Variants in ISM1 observed in about 807,000 individuals in gnomAD.
ISM1 encodes isthmin 1, also known as isthmin-1.
In ISM1, 25 loss-of-function variants were observed where a neutral mutation model predicts 46.3. The ratio of observed to expected loss-of-function variants is 0.54; its 90% confidence interval spans 0.39 to 0.75. ISM1 has a LOEUF of 0.75. Ranked by LOEUF, ISM1 falls within the 30% of genes least tolerant of loss-of-function variation. The pLI is 0.00. For synonymous variants in ISM1, 255 were observed against 256.7 expected, an observed-to-expected ratio of 0.99 and a Z score of 0.06; for missense variants, 536 against 625.4, an observed-to-expected ratio of 0.86 and a Z score of 1.52.
chr20:13,273,028 CAT>C, intron 2 of ISM1, among the ~76,000 whole-genome samples: 4 of 152,248 alleles, frequency 2.6e-5, no homozygotes, highest in African/African-American at 9.6e-5. Flanking sequence ...AACGCAAAGT[CAT>C]AGGAAAATGC....
intron 1 of ISM1, among the ~76,000 whole-genome samples, chr20:13,227,804 G>A (rs948747945): frequency 3.4e-4 from 51 of 151,812 alleles, no homozygotes; most frequent in African/African-American, 1.0e-3. Flanking sequence ...CACCGCGCCC[G>A]GCCCCAACTT....
At chr20:13,235,331 A>C (rs1216477468) in intron 1 of ISM1, among the ~76,000 whole-genome samples, 4 of 152,262 alleles carry the variant, frequency 2.6e-5, no homozygotes, top group Non-Finnish European at 5.9e-5. Context: ...CACAAGATCC[A>C]ACAGACTAGC....
intron 1 of ISM1, among the ~76,000 whole-genome samples, chr20:13,224,691 C>T (rs6033643): frequency 0.17 from 25,572 of 151,998 alleles, 2,350 homozygotes; most frequent in Middle Eastern, 0.22. Flanking sequence ...TTTGTATTCA[C>T]TTAAAAAGGG....
intron 1 of ISM1, chr20:13,239,734 T>C (rs2039696109): frequency 6.6e-6 from 1 of 152,242 alleles, no homozygotes; most frequent in African/African-American, 2.4e-5. Context: ...AGAATGTTGT[T>C]GTAGGCAAGA....
intron 5 of ISM1, among the ~76,000 whole-genome samples, chr20:13,298,029 T>C (rs974248850): frequency 1.3e-4 from 20 of 152,218 alleles, no homozygotes; most frequent in African/African-American, 4.1e-4. Context: ...CTGAGTCCTA[T>C]AAATCTTCCT....
At chr20:13,253,671 T>C (rs890589726) in intron 1 of ISM1, among the ~76,000 whole-genome samples, 1 of 152,098 alleles carries the variant, frequency 6.6e-6, no homozygotes, top group African/African-American at 2.4e-5. Context: ...AATCAGCATT[T>C]TAAACACATT....
the ISM1 span, among the ~76,000 whole-genome samples, chr20:13,323,061 C>T: frequency 7.2e-5 from 11 of 152,012 alleles, no homozygotes. Flanking sequence ...TGGGGGAAGA[C>T]ACCACCCAGG....
At chr20:13,325,205 G>A in the ISM1 span, among the ~76,000 whole-genome samples, 3 of 152,186 alleles carry the variant, frequency 2.0e-5, no homozygotes, top group Non-Finnish European at 4.4e-5. Flanking sequence ...CCCTTCTCAC[G>A]AGAAACGCAT....
At chr20:13,222,012 C>T (rs2039455665) in intron 1 of ISM1, 98 bp downstream of exon 1, 1 of 1,106,426 alleles carries the variant, frequency 9.0e-7, no homozygotes, top group Middle Eastern at 3.4e-4. Flanking sequence ...GAGGCAGGTC[C>T]CCTGCCCCAC....
the ISM1 span, among the ~76,000 whole-genome samples, chr20:13,306,633 G>A: frequency 6.6e-6 from 1 of 151,060 alleles, no homozygotes; most frequent in African/African-American, 2.4e-5. Flanking sequence ...TCTCTAAGGG[G>A]CCTCTAAAGT....
the ISM1 span, among the ~76,000 whole-genome samples, chr20:13,307,958 T>C: frequency 1.3e-5 from 2 of 152,204 alleles, no homozygotes; most frequent in African/African-American, 4.8e-5. Flanking sequence ...TAGAAGGTCA[T>C]AGGGCATGCA....
chr20:13,240,305 G>A (rs2039704738), intron 1 of ISM1, among the ~76,000 whole-genome samples: 1 of 152,192 alleles, frequency 6.6e-6, no homozygotes, highest in Non-Finnish European at 1.5e-5. Context: ...TGCTTAGCAG[G>A]ACATAAACAG....
At chr20:13,317,658 C>T in the ISM1 span, among the ~76,000 whole-genome samples, 7 of 152,028 alleles carry the variant, frequency 4.6e-5, no homozygotes, top group African/African-American at 1.7e-4. Context: ...GTCAGTTGAC[C>T]TTTGACAAGG....
intron 1 of ISM1, among the ~76,000 whole-genome samples, chr20:13,251,051 A>G (rs1036864739): frequency 1.3e-5 from 2 of 152,230 alleles, no homozygotes; most frequent in African/African-American, 4.8e-5. Context: ...TCCATAAGTC[A>G]GGAATTTATA....
At chr20:13,319,669 T>A in the ISM1 span, among the ~76,000 whole-genome samples, 1 of 152,222 alleles carries the variant, frequency 6.6e-6, no homozygotes, top group East Asian at 1.9e-4. Flanking sequence ...CTATAATGCC[T>A]AAAGAAACAT....
At chr20:13,311,216 T>TGACA in the ISM1 span, among the ~76,000 whole-genome samples, 4 of 133,298 alleles carry the variant, frequency 3.0e-5, no homozygotes, top group Non-Finnish European at 6.5e-5. Flanking sequence ...TATAGATAGA[T>TGACA]GATAGATAGA....
chr20:13,227,118 C>T (rs1381508642), intron 1 of ISM1, among the ~76,000 whole-genome samples: 2 of 152,162 alleles, frequency 1.3e-5, no homozygotes, highest in Non-Finnish European at 2.9e-5. Context: ...GCAACTTCTG[C>T]TCTTTCTTCC....
intron 3 of ISM1, 109 bp from the exon 4 acceptor site, chr20:13,288,431 C>T: frequency 8.4e-7 from 1 of 1,190,742 alleles, no homozygotes. Context: ...TCCAGCAATC[C>T]CCTCCCACAG....
chr20:13,253,213 G>T (rs1223087294), intron 1 of ISM1, among the ~76,000 whole-genome samples: 8 of 152,154 alleles, frequency 5.3e-5, no homozygotes, highest in Non-Finnish European at 1.2e-4. Flanking sequence ...CAGGGTTTTT[G>T]ATCTTCTCAC....
Sources: allele counts gnomAD v4.1 joint callset (sites outside exome capture counted in the v4.1 genomes callset), GRCh38; gene constraint gnomAD v4.1.1; transcripts MANE v1.5; gene names NCBI Gene and HGNC (gene_info 2026-07-23, HGNC 2026-07-21).